The following SLC35F1 variants were observed in gnomAD, a reference collection of about 807,000 sequenced individuals.
SLC35F1 encodes chromosome 6 open reading frame 169.
Under a neutral mutation model 48.7 loss-of-function variants are expected in SLC35F1, and 14 were observed. The observed-to-expected ratio is 0.29, with a 90% confidence interval of 0.19 to 0.45. The LOEUF (loss-of-function observed/expected upper bound fraction) is 0.45. SLC35F1 is among the 20% of genes least tolerant of loss of function. The probability of loss-of-function intolerance (pLI) is 1.00; values close to 1 mark genes in which losing one functional copy is unlikely to be tolerated. For synonymous variants in SLC35F1, 190 were observed against 202.2 expected, an observed-to-expected ratio of 0.94 and a Z score of 0.51; for missense variants, 404 against 500.0, an observed-to-expected ratio of 0.81 and a Z score of 1.83.
chr6:117,966,432 C>G (rs900555611), intron 1 of SLC35F1, among the ~76,000 whole-genome samples: 1 of 151,776 alleles, frequency 6.6e-6, no homozygotes, highest in Admixed American at 6.6e-5. Context: ...CACCAACCCA[C>G]CAGGAGGAGG....
chr6:118,284,619 G>A (rs1430467915), intron 6 of SLC35F1, among the ~76,000 whole-genome samples: 1 of 152,098 alleles, frequency 6.6e-6, no homozygotes, highest in African/African-American at 2.4e-5. Flanking sequence ...AAATCTGGAG[G>A]AGACTGACAG....
chr6:118,051,890 C>T (rs1041581919), intron 1 of SLC35F1, among the ~76,000 whole-genome samples: 17 of 152,100 alleles, frequency 1.1e-4, no homozygotes, highest in African/African-American at 3.1e-4. Flanking sequence ...AATACAGTGC[C>T]AGAAGAACCA....
intron 1 of SLC35F1, among the ~76,000 whole-genome samples, chr6:117,961,289 T>C (rs1776495227): frequency 6.6e-6 from 1 of 152,210 alleles, no homozygotes; most frequent in Non-Finnish European, 1.5e-5. Context: ...ATTTTTATTC[T>C]GCTTTATCAC....
chr6:118,093,165 A>C (rs927410129), intron 1 of SLC35F1, among the ~76,000 whole-genome samples: 1 of 152,078 alleles, frequency 6.6e-6, no homozygotes, highest in Non-Finnish European at 1.5e-5. Flanking sequence ...AAAATACAAA[A>C]ATTAGCAGGG....
intron 3 of SLC35F1, among the ~76,000 whole-genome samples, chr6:118,262,903 A>G (rs928895008): frequency 6.6e-6 from 1 of 152,158 alleles, no homozygotes; most frequent in Non-Finnish European, 1.5e-5. Flanking sequence ...CCTGGGCAAT[A>G]TAATGAGACC....
chr6:118,302,980 G>GAA (rs5879459), intron 7 of SLC35F1, among the ~76,000 whole-genome samples: 62,925 of 145,232 alleles, frequency 0.43, 13,833 homozygotes, highest in Middle Eastern at 0.57. Flanking sequence ...AGCTTATTTA[G>GAA]AAAAAAAAAA....
At chr6:118,022,336 CAT>C (rs1157964161) in intron 1 of SLC35F1, among the ~76,000 whole-genome samples, 5 of 152,138 alleles carry the variant, frequency 3.3e-5, no homozygotes, top group Admixed American at 2.0e-4. Context: ...GTGATGAACA[CAT>C]GTGAACAGAC....
At chr6:117,967,100 A>G (rs1003632974) in intron 1 of SLC35F1, among the ~76,000 whole-genome samples, 22 of 152,252 alleles carry the variant, frequency 1.4e-4, no homozygotes, top group African/African-American at 5.3e-4. Flanking sequence ...TATTTTTGAG[A>G]CCCTTGCTTT....
intron 2 of SLC35F1, among the ~76,000 whole-genome samples, chr6:118,179,056 T>C (rs190850334): frequency 8.9e-4 from 135 of 152,228 alleles, no homozygotes; most frequent in African/African-American, 3.0e-3. Context: ...ATACCCCTTA[T>C]ACACTGAGAA....
At chr6:118,261,108 A>C (rs58015948) in intron 3 of SLC35F1, among the ~76,000 whole-genome samples, 1,537 of 152,324 alleles carry the variant, frequency 0.01, 30 homozygotes, top group African/African-American at 0.036. Flanking sequence ...ATTGTACTAC[A>C]TGACTCTCAA....
intron 2 of SLC35F1, among the ~76,000 whole-genome samples, chr6:118,169,236 C>T (rs987663568): frequency 1.3e-5 from 2 of 152,128 alleles, no homozygotes. Context: ...TTGAAGAAAA[C>T]ATTATTGTGT....
chr6:118,112,064 CTTTCTTTT>C (rs1284742837), intron 1 of SLC35F1, among the ~76,000 whole-genome samples: 2 of 150,514 alleles, frequency 1.3e-5, no homozygotes, highest in African/African-American at 4.9e-5. Flanking sequence ...TTCTTTCTTT[CTTTCTTTT>C]TCTTTATTTC....
At chr6:118,229,258 A>G (rs1274277915) in intron 2 of SLC35F1, among the ~76,000 whole-genome samples, 1 of 152,184 alleles carries the variant, frequency 6.6e-6, no homozygotes, top group South Asian at 2.1e-4. Flanking sequence ...ATTGATTTAA[A>G]GCCTTATTTC....
rs35917912 is a variant in SLC35F1, at chr6:117,999,568, G to GAAAA, written c.173+91680_173+91683dup. On this transcript the variant is annotated intron_variant, in intron 1 of 7. Coordinates refer to ENST00000360388, the MANE Select transcript of SLC35F1 (RefSeq NM_001029858.4). Reference sequence around the variant, plus strand: ...ATTTGTACAAATAAACCTGAGGCAGGAAAAAAAAAAAAAAGAAATACCTAA... The same window carrying GAAAA: ...ATTTGTACAAATAAACCTGAGGCAGGAAAAAAAAAAAAAAAAAAGAAATACCTAA... The GAAAA allele has an allele frequency of 2.0e-3, 871 of 430,374 alleles. 5 individuals are homozygous for GAAAA. The highest frequency in any genetic ancestry group is 8.2e-3 in the African/African-American group (386 of 47,128). 26.7% of individuals were successfully genotyped at this position (430,374 alleles called of 1,614,324 possible).
chr6:118,256,205 G>GGTGTGTGTGTGTGT, intron 3 of SLC35F1, among the ~76,000 whole-genome samples: 1 of 143,218 alleles, frequency 7.0e-6, no homozygotes, highest in East Asian at 2.1e-4. Context: ...GAAGACTTCT[G>GGTGTGTGTGTGTGT]GTGTGTGTGT....
At chr6:118,181,964 A>G (rs960415852) in intron 2 of SLC35F1, among the ~76,000 whole-genome samples, 2 of 152,188 alleles carry the variant, frequency 1.3e-5, no homozygotes, top group African/African-American at 2.4e-5. Flanking sequence ...AGATTTTGAA[A>G]GTGACTTTCA....
At chr6:117,958,186 TATAGA>T (rs1292425486) in intron 1 of SLC35F1, among the ~76,000 whole-genome samples, 1 of 152,164 alleles carries the variant, frequency 6.6e-6, no homozygotes, top group East Asian at 1.9e-4. Flanking sequence ...GGAAAAAGTG[TATAGA>T]ATAAAGATAT....
At position 118,032,350 on chromosome 6, in the gene SLC35F1, ATTAAT is replaced by A. The variant is rs558206723; in HGVS notation, c.174-122091_174-122087del. On this transcript the variant is annotated intron_variant, in intron 1 of 7. Coordinates refer to ENST00000360388, the MANE Select transcript of SLC35F1 (RefSeq NM_001029858.4). ...GCAAAGCAGAGATTTGTCAATTTTT[ATTAAT>A]TTAGTTAGTGTATTCATTTAGAAAA... is the stretch of plus-strand genomic sequence containing the variant. Among the ~76,000 whole-genome samples the A allele has an allele frequency of 1.1e-4, 16 of 152,278 alleles. No homozygotes were observed. In the East Asian group the frequency reaches 2.7e-3, roughly 26 times the overall value.
chr6:118,082,274 G>A (rs1234552400), intron 1 of SLC35F1, among the ~76,000 whole-genome samples: 1 of 152,112 alleles, frequency 6.6e-6, no homozygotes, highest in Non-Finnish European at 1.5e-5. Context: ...TTACAGATAA[G>A]AACAAAGTTT....
Sources: allele counts gnomAD v4.1 joint callset (sites outside exome capture counted in the v4.1 genomes callset), GRCh38; gene constraint gnomAD v4.1.1; transcripts MANE v1.5; gene names NCBI Gene and HGNC (gene_info 2026-07-23, HGNC 2026-07-21).